Variants in CCSER1 observed in about 807,000 individuals in gnomAD.
The protein encoded by CCSER1 is serine-rich coiled-coil domain-containing protein 1.
A neutral mutation model predicts 82.0 loss-of-function variants in CCSER1; 41 were observed. The ratio of observed to expected loss-of-function variants is 0.50; its 90% confidence interval spans 0.39 to 0.65. CCSER1 has a LOEUF of 0.65. Ranked by LOEUF, CCSER1 falls within the 30% of genes least tolerant of loss-of-function variation. CCSER1 has a pLI of 0.00. For missense variants in CCSER1, 1,119 were observed against 1,064.2 expected (o/e 1.05, Z -0.72); for synonymous variants, 414 against 383.9 (o/e 1.08, Z -0.92).
intron 7 of CCSER1, among the ~76,000 whole-genome samples, chr4:90,786,687 C>T (rs141007821): frequency 2.0e-5 from 3 of 152,250 alleles, no homozygotes; most frequent in East Asian, 1.9e-4. Context: ...CATACCACAG[C>T]GATCAACAAT....
chr4:91,219,134 G>A (rs11934099), intron 10 of CCSER1, among the ~76,000 whole-genome samples: 8,817 of 152,088 alleles, frequency 0.058, 501 homozygotes, highest in African/African-American at 0.15. Context: ...TTGATGGGCT[G>A]TAATACAAAG....
chr4:91,401,392 A>AAT (rs1341392559), intron 10 of CCSER1, among the ~76,000 whole-genome samples: 5 of 148,242 alleles, frequency 3.4e-5, no homozygotes, highest in East Asian at 1.9e-4. Flanking sequence ...ATATCAATAT[A>AAT]ATATATATAT....
chr4:90,501,452 T>A (rs1048479109), intron 5 of CCSER1, among the ~76,000 whole-genome samples: 1 of 152,176 alleles, frequency 6.6e-6, no homozygotes, highest in African/African-American at 2.4e-5. Flanking sequence ...TTTGACTTAA[T>A]AATAATTGCT....
At chr4:91,485,046 TCC>T (rs1758142924) in intron 10 of CCSER1, among the ~76,000 whole-genome samples, 1 of 152,156 alleles carries the variant, frequency 6.6e-6, no homozygotes, top group African/African-American at 2.4e-5. Context: ...CTCAGACTGA[TCC>T]AAGAGCCCTA....
intron 8 of CCSER1, among the ~76,000 whole-genome samples, chr4:90,891,274 CA>C (rs1438263011): frequency 6.6e-6 from 1 of 151,344 alleles, no homozygotes; most frequent in Non-Finnish European, 1.5e-5. Context: ...ATTCTATATA[CA>C]AAGGGATATT....
At chr4:90,946,638 A>C (rs78619317) in intron 9 of CCSER1, among the ~76,000 whole-genome samples, 1 of 126,352 alleles carries the variant, frequency 7.9e-6, no homozygotes, top group Non-Finnish European at 1.7e-5. Flanking sequence ...AAAAAAAAAA[A>C]AAGAGATTAT....
intron 10 of CCSER1, among the ~76,000 whole-genome samples, chr4:91,523,018 A>G (rs972530938): frequency 6.6e-6 from 1 of 152,058 alleles, no homozygotes. Context: ...GTTTGTCATA[A>G]ATAGCTCTTA....
At chr4:91,345,316 G>A (rs180671832) in intron 10 of CCSER1, among the ~76,000 whole-genome samples, 1 of 152,238 alleles carries the variant, frequency 6.6e-6, no homozygotes, top group East Asian at 1.9e-4. Context: ...GAACCTGGGA[G>A]GCAGAGGTTG....
At chr4:90,957,251 C>CCA (rs918787730) in intron 9 of CCSER1, among the ~76,000 whole-genome samples, 3 of 146,946 alleles carry the variant, frequency 2.0e-5, no homozygotes, top group Non-Finnish European at 3.0e-5. Flanking sequence ...ACAGGCCCCC[C>CCA]CCACCACGTC....
intron 10 of CCSER1, among the ~76,000 whole-genome samples, chr4:91,140,406 T>C (rs770383017): frequency 1.2e-4 from 19 of 152,174 alleles, no homozygotes; most frequent in South Asian, 8.3e-4. Flanking sequence ...TAAAACTGTT[T>C]TCTAAGCTCT....
At chr4:90,839,031 C>T (rs759204358) in intron 8 of CCSER1, 19 of 1,612,230 alleles carry the variant, frequency 1.2e-5, no homozygotes, top group Middle Eastern at 4.4e-4. Flanking sequence ...TCGGGTTTGT[C>T]AGACATGGTT....
chr4:90,750,467 G>A (rs1045054183), intron 7 of CCSER1, among the ~76,000 whole-genome samples: 8 of 152,018 alleles, frequency 5.3e-5, no homozygotes, highest in Admixed American at 2.0e-4. Flanking sequence ...AGTAAATGTG[G>A]GGTTGTTTGA....
intron 9 of CCSER1, among the ~76,000 whole-genome samples, chr4:91,072,859 AC>A (rs1317568136): frequency 6.6e-6 from 1 of 152,138 alleles, no homozygotes; most frequent in Non-Finnish European, 1.5e-5. Context: ...TGTAACATGT[AC>A]TGCATAATGC....
chr4:91,031,610 C>A (rs751791829), intron 9 of CCSER1, among the ~76,000 whole-genome samples: 4 of 151,936 alleles, frequency 2.6e-5, no homozygotes, highest in Non-Finnish European at 5.9e-5. Context: ...TTCTGTGGGG[C>A]GCTTAAAAAT....
At chr4:91,349,598 T>C (rs1748329251) in intron 10 of CCSER1, among the ~76,000 whole-genome samples, 1 of 152,178 alleles carries the variant, frequency 6.6e-6, no homozygotes, top group South Asian at 2.1e-4. Flanking sequence ...TTGTTTACTT[T>C]ATGGTAAAAC....
intron 10 of CCSER1, among the ~76,000 whole-genome samples, chr4:91,302,594 T>C (rs1744751991): frequency 6.6e-6 from 1 of 152,012 alleles, no homozygotes; most frequent in Non-Finnish European, 1.5e-5. Flanking sequence ...TTTGAAATTC[T>C]CCTATGGCTT....
chr4:91,570,396 C>A (rs1460517558), intron 10 of CCSER1, among the ~76,000 whole-genome samples: 1 of 152,204 alleles, frequency 6.6e-6, no homozygotes, highest in African/African-American at 2.4e-5. Context: ...TTCTGCACTG[C>A]CCTAGCAGAG....
At chr4:90,389,477 C>G (rs1750617411) in intron 3 of CCSER1, among the ~76,000 whole-genome samples, 1 of 152,072 alleles carries the variant, frequency 6.6e-6, no homozygotes, top group Non-Finnish European at 1.5e-5. Context: ...TGTTCTTCAT[C>G]AAAATAGTTT....
chr4:90,909,601 T>C (rs7661724), intron 8 of CCSER1, among the ~76,000 whole-genome samples: 43,321 of 152,098 alleles, frequency 0.28, 6,558 homozygotes, highest in Non-Finnish European at 0.32. Context: ...TCCTGATCAG[T>C]CACTAAATGC....
Sources: allele counts gnomAD v4.1 joint callset (sites outside exome capture counted in the v4.1 genomes callset), GRCh38; gene constraint gnomAD v4.1.1; transcripts MANE v1.5; gene names NCBI Gene and HGNC (gene_info 2026-07-23, HGNC 2026-07-21).